The following PIBF1 variants were observed in gnomAD, a reference collection of about 807,000 sequenced individuals.
The protein encoded by PIBF1 is progesterone immunomodulatory binding factor 1.
PIBF1 carries 90 observed loss-of-function variants against 112.5 expected under a neutral mutation model. The observed-to-expected ratio is 0.80, with a 90% confidence interval of 0.67 to 0.95. The LOEUF (loss-of-function observed/expected upper bound fraction) is 0.95, where lower values mean the gene tolerates loss of function less well. Among genes scored for constraint, PIBF1 ranks in the 40% least tolerant of loss-of-function variants. The pLI is 0.00. For synonymous variants in PIBF1, 301 were observed against 288.6 expected, an observed-to-expected ratio of 1.04 and a Z score of -0.44; for missense variants, 915 against 852.3, an observed-to-expected ratio of 1.07 and a Z score of -0.92.
chr13:72,893,413 G>A (rs933597326), intron 10 of PIBF1, among the ~76,000 whole-genome samples: 20 of 151,976 alleles, frequency 1.3e-4, no homozygotes. Context: ...TTTAGACTTA[G>A]GATGAAATAG....
intron 14 of PIBF1, among the ~76,000 whole-genome samples, chr13:72,934,232 AT>A (rs1294294619): frequency 2.6e-5 from 4 of 152,196 alleles, no homozygotes; most frequent in South Asian, 2.1e-4. Context: ...ACAATAGACT[AT>A]TCATAATAGA....
chr13:72,958,660 A>G (rs984954702), intron 14 of PIBF1, among the ~76,000 whole-genome samples: 3 of 152,170 alleles, frequency 2.0e-5, no homozygotes, highest in African/African-American at 7.2e-5. Flanking sequence ...TCCAGCGACA[A>G]AGAGGTCATA....
chr13:72,968,995 A>C (rs377271244), intron 15 of PIBF1, among the ~76,000 whole-genome samples: 1 of 151,848 alleles, frequency 6.6e-6, no homozygotes, highest in Non-Finnish European at 1.5e-5. Flanking sequence ...GAGCAACTGC[A>C]CTCCAGCCTG....
chr13:72,839,693 A>G (rs979847736), intron 9 of PIBF1, among the ~76,000 whole-genome samples: 3 of 152,180 alleles, frequency 2.0e-5, no homozygotes, highest in Admixed American at 1.3e-4. Context: ...GTATGTAATC[A>G]TCTTGAAAAT....
chr13:72,881,810 T>C (rs764489826), intron 10 of PIBF1, among the ~76,000 whole-genome samples: 24 of 151,816 alleles, frequency 1.6e-4, no homozygotes, highest in Non-Finnish European at 2.8e-4. Context: ...TGGAAAGATA[T>C]ATTCCATGTT....
intron 14 of PIBF1, 56 bp downstream of exon 14, chr13:72,931,323 G>A: frequency 9.2e-7 from 1 of 1,083,228 alleles, no homozygotes; most frequent in Non-Finnish European, 1.4e-6. Context: ...TTAATTGTTT[G>A]TAACTCTTTT....
At chr13:72,795,049 T>C (rs921811090) in intron 3 of PIBF1, among the ~76,000 whole-genome samples, 1 of 152,210 alleles carries the variant, frequency 6.6e-6, no homozygotes, top group Admixed American at 6.5e-5. Flanking sequence ...AGTAGAGTCC[T>C]TGATGTTTAA....
At chr13:72,919,273 C>T (rs2041211930) in intron 13 of PIBF1, among the ~76,000 whole-genome samples, 1 of 152,060 alleles carries the variant, frequency 6.6e-6, no homozygotes, top group South Asian at 2.1e-4. Context: ...TTATAGAAAG[C>T]AAGAAAAGGA....
At chr13:72,976,336 A>C (rs1400316180) in intron 16 of PIBF1, among the ~76,000 whole-genome samples, 2 of 151,956 alleles carry the variant, frequency 1.3e-5, no homozygotes, top group Non-Finnish European at 2.9e-5. Context: ...AAGAAGAAGA[A>C]GGAAGAAAGG....
At chr13:72,927,077 T>A (rs989282281) in intron 13 of PIBF1, among the ~76,000 whole-genome samples, 56 of 152,184 alleles carry the variant, frequency 3.7e-4, no homozygotes, top group Admixed American at 1.5e-3. Context: ...TTTTTTTTTT[T>A]TTGAAACAGA....
intron 10 of PIBF1, among the ~76,000 whole-genome samples, chr13:72,856,098 C>G (rs2038410109): frequency 1.3e-5 from 2 of 152,120 alleles, no homozygotes; most frequent in Admixed American, 1.3e-4. Context: ...TGTACATTTG[C>G]AACTGATGTT....
chr13:72,902,539 A>C (rs1350620195), intron 11 of PIBF1, among the ~76,000 whole-genome samples: 1 of 152,218 alleles, frequency 6.6e-6, no homozygotes, highest in Non-Finnish European at 1.5e-5. Flanking sequence ...AACCCCCAAA[A>C]TAAAATGGAA....
intron 5 of PIBF1, among the ~76,000 whole-genome samples, chr13:72,811,589 C>G (rs2036012696): frequency 1.1e-5 from 1 of 87,368 alleles, no homozygotes; most frequent in Admixed American, 1.4e-4. Flanking sequence ...GAACAAAACT[C>G]CGTCTCAAAA....
chr13:72,786,311 T>C (rs2034594218), intron 2 of PIBF1, among the ~76,000 whole-genome samples: 3 of 152,194 alleles, frequency 2.0e-5, no homozygotes, highest in Non-Finnish European at 4.4e-5. Flanking sequence ...ATAATCATCA[T>C]TGATCCCTGA....
At chr13:72,784,272 A>AC (rs2034468408) in intron 2 of PIBF1, among the ~76,000 whole-genome samples, 1 of 92,602 alleles carries the variant, frequency 1.1e-5, no homozygotes, top group Admixed American at 1.4e-4. Flanking sequence ...CCCCAGCTCT[A>AC]CTTAAAAAAA....
At chr13:72,980,121 A>T (rs1426121359) in intron 16 of PIBF1, among the ~76,000 whole-genome samples, 1 of 152,176 alleles carries the variant, frequency 6.6e-6, no homozygotes, top group East Asian at 1.9e-4. Context: ...GGATATATAC[A>T]CTAGAGAGTT....
rs1036866502 is a variant in PIBF1 at position 72,908,704 on chromosome 13, A to T, written c.1639+23A>T. The T allele has an allele frequency of 3.8e-6, 6 of 1,580,186 alleles. No individual in the cohort carries two copies. The South Asian group carries it at 7.0e-5, about 19-fold the overall frequency. The stretch of plus-strand genomic sequence containing the variant: ...AAAGTAAGTCTTCCCCCACACACAC[A>T]TGCACAACTTTTTTTTTTCTGGCAA... On this transcript the variant is annotated intron_variant, in intron 12 of 17. Transcript: ENST00000326291.
intron 13 of PIBF1, among the ~76,000 whole-genome samples, chr13:72,929,272 C>T (rs554815457): frequency 2.0e-5 from 3 of 152,176 alleles, no homozygotes; most frequent in Middle Eastern, 3.4e-3. Context: ...ATGGAATCAA[C>T]GGATTTTAAA....
chr13:72,791,110 A>G (rs2034904140), intron 2 of PIBF1, among the ~76,000 whole-genome samples: 1 of 152,120 alleles, frequency 6.6e-6, no homozygotes, highest in African/African-American at 2.4e-5. Flanking sequence ...GCTGGAGTGC[A>G]GTGGCATGAT....
Sources: gnomAD v4.1 joint callset for allele counts (sites outside exome capture counted in the v4.1 genomes callset) on GRCh38, gnomAD v4.1.1 for gene constraint, MANE v1.5 for transcripts, NCBI Gene and HGNC (gene_info 2026-07-23, HGNC 2026-07-21) for gene names.